The following TPTE2 variants were observed in gnomAD, a reference collection of about 807,000 sequenced individuals.
The protein encoded by TPTE2 is transmembrane phosphoinositide 3-phosphatase and tensin homolog 2.
TPTE2 carries 53 observed loss-of-function variants against 78.6 expected under a neutral mutation model. The observed-to-expected ratio is 0.67, with a 90% CI of 0.54 to 0.85. The LOEUF is 0.85. Among genes scored for constraint, TPTE2 ranks in the 40% least tolerant of loss-of-function variants. TPTE2 has a pLI of 0.00. For synonymous variants in TPTE2, 175 were observed against 206.2 expected (o/e 0.85, Z 1.30); for missense variants, 461 against 623.0 (o/e 0.74, Z 2.77).
At chr13:19,427,607 C>G (rs1312449290) in intron 17 of TPTE2, among the ~76,000 whole-genome samples, 1 of 152,018 alleles carries the variant, frequency 6.6e-6, no homozygotes, top group Non-Finnish European at 1.5e-5. Context: ...AAAATAACAA[C>G]AGGGGTCTGT....
At chr13:19,515,699 T>C (rs1869749316) in intron 1 of TPTE2, among the ~76,000 whole-genome samples, 1 of 152,216 alleles carries the variant, frequency 6.6e-6, no homozygotes, top group Admixed American at 6.5e-5. Context: ...AATTGGATTG[T>C]TTATGAAGAA....
At chr13:19,550,834 C>A in the TPTE2 span, among the ~76,000 whole-genome samples, 1 of 151,256 alleles carries the variant, frequency 6.6e-6, no homozygotes, top group African/African-American at 2.4e-5. Flanking sequence ...TTCACTCTGT[C>A]GCCCTGGCTA....
At position 19,450,068 on chromosome 13, in the gene TPTE2, G is replaced by C. The variant is rs1009398315; in HGVS notation, c.973+8C>G. The C allele has an allele frequency of 1.6e-5, 26 of 1,610,492 alleles. No homozygotes were observed. The African/African-American group carries it at 2.3e-4, about 14-fold the overall frequency. ...GAAAGGGAAAAATGAAAAGGAAAAT[G>C]TTATTACCTTTGCCTCCTTTACAGT... is the stretch of plus-strand genomic sequence containing the variant. On this transcript the variant is annotated splice_region_variant and intron_variant, in intron 13 of 19. Coordinates refer to ENST00000400230, the Ensembl canonical transcript of TPTE2.
At chr13:19,445,810 G>A (rs61956975) in intron 13 of TPTE2, among the ~76,000 whole-genome samples, 16,221 of 152,140 alleles carry the variant, frequency 0.11, 1,005 homozygotes, top group Middle Eastern at 0.19. Flanking sequence ...GTATGGTGGC[G>A]GACGCCTGTA....
intron 1 of TPTE2, among the ~76,000 whole-genome samples, chr13:19,497,531 CA>C (rs1372980224): frequency 2.6e-5 from 2 of 77,284 alleles, no homozygotes; most frequent in Middle Eastern, 4.7e-3. Flanking sequence ...CACCCCCCAG[CA>C]GGGGCACACT....
exon 17 of TPTE2, chr13:19,430,478 C>T: frequency 6.2e-7 from 1 of 1,610,326 alleles, no homozygotes; most frequent in South Asian, 1.1e-5. Context: ...CGAACAATTT[C>T]CTAATGAAGT....
At chr13:19,423,437 T>C (rs1875758428) in intron 19 of TPTE2, among the ~76,000 whole-genome samples, 2 of 152,240 alleles carry the variant, frequency 1.3e-5, no homozygotes. Flanking sequence ...AATATCTAAA[T>C]TTCTCTCTGT....
At chr13:19,529,296 T>C (rs1271045730) in intron 1 of TPTE2, among the ~76,000 whole-genome samples, 1 of 152,036 alleles carries the variant, frequency 6.6e-6, no homozygotes, top group Admixed American at 6.5e-5. Flanking sequence ...TCAGGTTTGG[T>C]TCCCACTGAT....
intron 14 of TPTE2, 40 bp downstream of exon 17, chr13:19,438,052 C>A: frequency 6.3e-7 from 1 of 1,593,178 alleles, no homozygotes; most frequent in Non-Finnish European, 8.5e-7. Context: ...CTAGCAAACT[C>A]AATCATCATA....
At chr13:19,487,140 G>C (rs1486771212) in intron 3 of TPTE2, among the ~76,000 whole-genome samples, 3 of 152,120 alleles carry the variant, frequency 2.0e-5, no homozygotes, top group African/African-American at 7.2e-5. Flanking sequence ...TGGCCTAAAG[G>C]GCTGTTCCTC....
the TPTE2 span, among the ~76,000 whole-genome samples, chr13:19,550,941 G>A: frequency 6.6e-6 from 1 of 152,130 alleles, no homozygotes; most frequent in African/African-American, 2.4e-5. Context: ...ACAGGCATGA[G>A]CCACTGTGCC....
intron 4 of TPTE2, among the ~76,000 whole-genome samples, chr13:19,481,612 G>T (rs1316189810): frequency 6.6e-6 from 1 of 152,192 alleles, no homozygotes; most frequent in Non-Finnish European, 1.5e-5. Flanking sequence ...TTGGAGTGGG[G>T]AAAGAAGGAA....
rs1879313464 is a variant in TPTE2, at chr13:19,467,082, T to C, written c.512+143A>G. 12 of 1,076,520 alleles carry C rather than the reference T, an allele frequency of 1.1e-5. No individual in the cohort carries two copies. The South Asian group carries it at 1.9e-4, about 17-fold the overall frequency. 66.7% of individuals were successfully genotyped at this position (1,076,520 alleles called of 1,614,324 possible). A position where few individuals can be genotyped will look rare whatever the true frequency, so the allele number is the denominator to read the frequency against. ...CTTTTAGTTTCAAAGTATGTGGGCA[T>C]TTACCCAAACATTTCATTTTAAAGC... is the stretch of plus-strand genomic sequence containing the variant. On this transcript the variant is annotated intron_variant, in intron 7 of 19. Coordinates refer to ENST00000400230, the Ensembl canonical transcript of TPTE2.
intron 1 of TPTE2, among the ~76,000 whole-genome samples, chr13:19,509,009 C>T (rs999327586): frequency 6.6e-6 from 1 of 152,024 alleles, no homozygotes; most frequent in Non-Finnish European, 1.5e-5. Flanking sequence ...TAAAAAAACC[C>T]ACATTTGAAA....
intron 15 of TPTE2, among the ~76,000 whole-genome samples, chr13:19,434,994 A>C (rs1225587846): frequency 6.6e-6 from 1 of 152,220 alleles, no homozygotes; most frequent in African/African-American, 2.4e-5. Context: ...TAAATGAGAT[A>C]GTGAATAGAG....
At chr13:19,438,877 T>C (rs1173958256) in intron 13 of TPTE2, among the ~76,000 whole-genome samples, 7 of 151,996 alleles carry the variant, frequency 4.6e-5, no homozygotes, top group Non-Finnish European at 8.8e-5. Context: ...TAAAAGTGAG[T>C]GAAGCCTCAG....
At chr13:19,540,309 TGG>T (rs1491016721), upstream of TPTE2, among the ~76,000 whole-genome samples, 17 of 148,318 alleles carry the variant, frequency 1.1e-4, no homozygotes, top group Non-Finnish European at 2.4e-4. Context: ...ATTATTATTA[TGG>T]TTTTTTTTAA....
chr13:19,532,019 G>A (rs1256079253), intron 1 of TPTE2, among the ~76,000 whole-genome samples: 1 of 152,188 alleles, frequency 6.6e-6, no homozygotes, highest in Non-Finnish European at 1.5e-5. Context: ...ACAATAAAGA[G>A]TATGGCATAT....
At chr13:19,528,789 C>T (rs1041565252) in intron 1 of TPTE2, among the ~76,000 whole-genome samples, 1 of 152,132 alleles carries the variant, frequency 6.6e-6, no homozygotes, top group African/African-American at 2.4e-5. Flanking sequence ...GGTTGGTGGC[C>T]ACAAGTCCCT....
Sources: allele counts gnomAD v4.1 joint callset (sites outside exome capture counted in the v4.1 genomes callset), GRCh38; gene constraint gnomAD v4.1.1; transcripts MANE v1.5; gene names NCBI Gene and HGNC (gene_info 2026-07-23, HGNC 2026-07-21).